KIF2A: variants seen among roughly 807,000 people sequenced by gnomAD.
The protein encoded by KIF2A is kinesin family member 2A, also known as kinesin-like protein KIF2A.
Under a neutral mutation model 100.2 loss-of-function variants are expected in KIF2A, and 22 were observed. That is an observed-to-expected ratio of 0.22 (90% CI 0.16 to 0.31). The LOEUF is 0.31. Ranked by LOEUF, KIF2A falls within the 10% of genes least tolerant of loss-of-function variation. The pLI, the probability that KIF2A is intolerant of heterozygous loss-of-function variation, is 1.00. For synonymous variants in KIF2A, 268 were observed against 285.9 expected (o/e 0.94, Z 0.63); for missense variants, 495 against 898.7 (o/e 0.55, Z 5.74).
At chr5:62,323,498 G>A (rs1294896378) in intron 1 of KIF2A, among the ~76,000 whole-genome samples, 1 of 151,294 alleles carries the variant, frequency 6.6e-6, no homozygotes, top group South Asian at 2.1e-4. Flanking sequence ...ACTCCAGCCT[G>A]GGCGACAGAG....
Position 62,363,767 on chromosome 5 carries a change from G to A in KIF2A, c.1335G>A (p.Arg445=), listed in dbSNP as rs1487892246. 1 of 1,613,886 alleles carries A rather than the reference G, an allele frequency of 6.2e-7. No individual in the cohort carries two copies. Residue 445 remains arginine, a synonymous_variant, in exon 14 of 21, where the codon AGG becomes AGA. Transcript: ENST00000407818. ...CAGTGTTTCAGATTATTCTTAGAAG[G>A]AAAGGAAAACTACATGGCAAATTTT... ...SHAVFQIILR[R]KGKLHGKFSL...
intron 1 of KIF2A, chr5:62,306,850 C>T (rs1262383015): frequency 2.7e-6 from 1 of 365,520 alleles, no homozygotes; most frequent in Non-Finnish European, 4.9e-6. Flanking sequence ...AATCTCCAGC[C>T]CCCCCCCGGG....
chr5:62,364,465 A>G (rs368585711), intron 14 of KIF2A, among the ~76,000 whole-genome samples: 2 of 152,250 alleles, frequency 1.3e-5, no homozygotes, highest in Non-Finnish European at 1.5e-5. Context: ...TTAATTAGTC[A>G]TATTTTCTAG....
rs151282237 is a variant in KIF2A at position 62,325,878 on chromosome 5, A to G, written c.64+19342A>G. 5.2e-3 allele frequency among the ~76,000 whole-genome samples: 797 copies of G among 152,336 alleles called. 9 individuals are homozygous for G. Among genetic ancestry groups the G allele is most frequent in the African/African-American group, 0.018 (767 of 41,574 alleles). The stretch of plus-strand genomic sequence containing the variant: ...CAGTTTATAATAGCAAAGACATGTA[A>G]TCAACCTGGATGTCCATCAGTGGTG... On this transcript the variant is annotated intron_variant, in intron 1 of 20. Coordinates refer to ENST00000407818, the MANE Select transcript of KIF2A (RefSeq NM_001098511.3).
chr5:62,357,161 G>T (rs1748154996), intron 7 of KIF2A, among the ~76,000 whole-genome samples: 1 of 149,416 alleles, frequency 6.7e-6, no homozygotes. Context: ...TCGGCCCGCT[G>T]CAACCTCCAC....
rs1300718299 is a variant in KIF2A at position 62,386,507 on chromosome 5, A to G, written c.*938A>G. ...TACTTAATTTGAAGTGTTCATTAGCACCCCAAAATATACCTTTTCTATGTA... is the reference window on the plus strand; with the variant it reads ...TACTTAATTTGAAGTGTTCATTAGCGCCCCAAAATATACCTTTTCTATGTA... On this transcript the variant is annotated 3_prime_UTR_variant, in exon 21 of 21. Transcript: ENST00000407818. The G allele has an allele frequency of 6.6e-6, 1 of 152,170 alleles. No homozygotes were observed. The highest frequency in any genetic ancestry group is 1.5e-5 in the Non-Finnish European group (1 of 68,032). The allele number at this position is 152,170 out of a possible 1,614,324, so 9.4% of individuals were successfully genotyped here.
intron 1 of KIF2A, among the ~76,000 whole-genome samples, chr5:62,332,356 C>G (rs966008634): frequency 9.9e-5 from 15 of 152,124 alleles, no homozygotes; most frequent in African/African-American, 3.6e-4. Context: ...TCATTTGTGG[C>G]TTTTTTCTTT....
Position 62,381,192 on chromosome 5 carries a change from A to G in KIF2A, c.2088A>G (p.Ser696=), listed in dbSNP as rs940322853. The change falls in exon 20 of 21, where the codon TCA becomes TCG. Residue 696 remains serine, a synonymous_variant. Coordinates refer to ENST00000407818, the MANE Select transcript of KIF2A (RefSeq NM_001098511.3). ...AAGAAGTAGATTATGATGTCGATTC[A>G]TATGCTACACAACTTGAAGCTATTC... ...MTEEVDYDVD[S]YATQLEAILE... 8 of 1,609,222 alleles carry G rather than the reference A, an allele frequency of 5.0e-6. No individual in the cohort carries two copies. The African/African-American group carries it at 8.0e-5, about 16-fold the overall frequency.
intron 1 of KIF2A, among the ~76,000 whole-genome samples, chr5:62,310,983 G>T (rs1460385328): frequency 6.6e-6 from 1 of 152,084 alleles, no homozygotes; most frequent in Non-Finnish European, 1.5e-5. Context: ...ATATGGGATT[G>T]TTCTTTGGGG....
At chr5:62,382,607 G>T (rs1375985714) in intron 20 of KIF2A, among the ~76,000 whole-genome samples, 1 of 151,186 alleles carries the variant, frequency 6.6e-6, no homozygotes, top group Non-Finnish European at 1.5e-5. Flanking sequence ...CAAAAGTTTG[G>T]GATTTTTGGA....
chr5:62,316,463 A>G (rs1260181546), intron 1 of KIF2A, among the ~76,000 whole-genome samples: 2 of 152,160 alleles, frequency 1.3e-5, no homozygotes, highest in Non-Finnish European at 2.9e-5. Flanking sequence ...GTGCCATTTC[A>G]GTATTCAGAA....
chr5:62,363,070 C>T, intron 12 of KIF2A, 108 bp from the exon 13 acceptor site: 1 of 858,688 alleles, frequency 1.2e-6, no homozygotes, highest in Non-Finnish European at 1.7e-6. Context: ...TCAAGCCATC[C>T]TCCTGCCTCA....
chr5:62,338,259 C>T (rs1044188858), intron 1 of KIF2A, among the ~76,000 whole-genome samples: 7 of 152,130 alleles, frequency 4.6e-5, no homozygotes, highest in East Asian at 1.9e-4. Flanking sequence ...AAAATGCCAA[C>T]GGATTAAGGT....
chr5:62,336,078 A>G (rs1406311450), intron 1 of KIF2A, among the ~76,000 whole-genome samples: 2 of 152,230 alleles, frequency 1.3e-5, no homozygotes, highest in Admixed American at 6.5e-5. Flanking sequence ...TTCTGTCCCA[A>G]ACACATAAGA....
chr5:62,351,339 C>T lies in KIF2A; in HGVS notation c.334+1219C>T, dbSNP rs946375900. ...TATTTACTAAATAATTTTGCAAATTCGAGAAGAATATTATGAGAAAGAAAG... is the reference window on the plus strand; with the variant it reads ...TATTTACTAAATAATTTTGCAAATTTGAGAAGAATATTATGAGAAAGAAAG... On this transcript the variant is annotated intron_variant, in intron 4 of 20. Coordinates refer to ENST00000407818, the MANE Select transcript of KIF2A (RefSeq NM_001098511.3). Among the ~76,000 whole-genome samples the T allele has an allele frequency of 4.7e-4, 72 of 151,818 alleles. 2 individuals carry two copies. Among genetic ancestry groups the T allele is most frequent in the Admixed American group, 3.5e-3 (54 of 15,244 alleles).
At chr5:62,325,290 A>C (rs1746318048) in intron 1 of KIF2A, among the ~76,000 whole-genome samples, 1 of 151,798 alleles carries the variant, frequency 6.6e-6, no homozygotes, top group Non-Finnish European at 1.5e-5. Context: ...TGCCCGGCTA[A>C]TTTTTGTATT....
chr5:62,381,243 T>A lies in KIF2A; in HGVS notation c.2139T>A (p.Thr713=), dbSNP rs377708130. Residue 713 remains threonine, a synonymous_variant, in exon 20 of 21, where the codon ACT becomes ACA. Coordinates refer to ENST00000407818, the MANE Select transcript of KIF2A (RefSeq NM_001098511.3). ...TTGAGCAAAAAATAGACATTTTAACTGAACTGCGGGGTAATTCTTTTTCCA... is the reference window on the plus strand; with the variant it reads ...TTGAGCAAAAAATAGACATTTTAACAGAACTGCGGGGTAATTCTTTTTCCA... ...AILEQKIDIL[T]ELRDKVKSFR... is the part of the protein sequence containing the mutation. The A allele has an allele frequency of 6.2e-7, 1 of 1,612,508 alleles. No individual in the cohort carries two copies.
chr5:62,351,627 C>CT (rs1747860387), intron 4 of KIF2A, among the ~76,000 whole-genome samples: 1 of 152,014 alleles, frequency 6.6e-6, no homozygotes, highest in South Asian at 2.1e-4. Context: ...AGTTTAAACA[C>CT]TATCTTTTGA....
chr5:62,308,616 G>C lies in KIF2A; in HGVS notation c.64+2080G>C, dbSNP rs1005797453. 8.6e-6 allele frequency: 6 copies of C among 698,212 alleles called. No homozygotes were observed. The African/African-American group carries it at 1.1e-4, about 12-fold the overall frequency. 43.3% of individuals were successfully genotyped at this position (698,212 alleles called of 1,614,324 possible). On this transcript the variant is annotated intron_variant, in intron 1 of 20. Transcript: ENST00000407818. ...CAGCCTTAAAAAAGGAGATCCTACTGTTTACCACAACATAGATGGACCTGA... is the reference window on the plus strand; with the variant it reads ...CAGCCTTAAAAAAGGAGATCCTACTCTTTACCACAACATAGATGGACCTGA...
Sources: allele counts gnomAD v4.1 joint callset (sites outside exome capture counted in the v4.1 genomes callset), GRCh38; gene constraint gnomAD v4.1.1; transcripts MANE v1.5; gene names NCBI Gene and HGNC (gene_info 2026-07-23, HGNC 2026-07-21).